PRDM16: variants seen among roughly 807,000 people sequenced by gnomAD.
PRDM16 encodes the protein histone-lysine N-methyltransferase PRDM16.
A neutral mutation model predicts 110.6 loss-of-function variants in PRDM16; 23 were observed. That is an observed-to-expected ratio of 0.21 (90% CI 0.15 to 0.29). The LOEUF (loss-of-function observed/expected upper bound fraction) is 0.29. Among genes scored for constraint, PRDM16 ranks in the 10% least tolerant of loss-of-function variants. PRDM16 has a pLI of 1.00. For synonymous variants in PRDM16, 799 were observed against 781.8 expected (o/e 1.02, Z -0.37); for missense variants, 1,615 against 1,794.3 (o/e 0.90, Z 1.81).
chr1:3,301,997 T>C lies in PRDM16; in HGVS notation c.438+57860T>C, dbSNP rs183836344. On this transcript the variant is annotated intron_variant, in intron 3 of 16. Transcript: ENST00000270722. ...CTTTTGGCTACATGAGAGTGCAGTT[T>C]GTTCTGTTGATATAAGTAGACGGTT... Among the ~76,000 whole-genome samples, 7 of 152,308 alleles carry C rather than the reference T, an allele frequency of 4.6e-5. No individual in the cohort carries two copies. The East Asian group carries it at 1.4e-3, about 29-fold the overall frequency.
At chr1:3,337,573 A>G (rs1376676610) in intron 3 of PRDM16, among the ~76,000 whole-genome samples, 1 of 152,054 alleles carries the variant, frequency 6.6e-6, no homozygotes, top group Non-Finnish European at 1.5e-5. Context: ...TTGGGGTGGG[A>G]GCTGGGGGAG....
At chr1:3,409,914 G>GC (rs1643650196) in intron 8 of PRDM16, among the ~76,000 whole-genome samples, 1 of 127,276 alleles carries the variant, frequency 7.9e-6, no homozygotes, top group South Asian at 2.5e-4. Context: ...TTGTGGGTGT[G>GC]GTGTGTGTGT....
intron 1 of PRDM16, among the ~76,000 whole-genome samples, chr1:3,140,826 C>T (rs1373351919): frequency 2.6e-5 from 4 of 152,242 alleles, no homozygotes; most frequent in South Asian, 2.1e-4. Context: ...CATGGTACGA[C>T]GGATGGGCTT....
rs548267244 is a variant in PRDM16 at position 3,356,317 on chromosome 1, C to T, written c.439-28835C>T. ...TCTCTAAAGGTGACAGTGCCCCTGGCCAGGGCGGCCACTCTGGCCTGATGC... is the reference window on the plus strand; with the variant it reads ...TCTCTAAAGGTGACAGTGCCCCTGGTCAGGGCGGCCACTCTGGCCTGATGC... On this transcript the variant is annotated intron_variant, in intron 3 of 16. Coordinates refer to ENST00000270722, the MANE Select transcript of PRDM16 (RefSeq NM_022114.4). Among the ~76,000 whole-genome samples the T allele has an allele frequency of 4.6e-5, 7 of 152,342 alleles. 1 individual carries two copies. The highest frequency in any genetic ancestry group is 1.4e-4 in the African/African-American group (6 of 41,578).
intron 1 of PRDM16, among the ~76,000 whole-genome samples, chr1:3,107,651 G>T (rs1642688844): frequency 6.6e-6 from 1 of 152,222 alleles, no homozygotes; most frequent in Admixed American, 6.5e-5. Context: ...ATCATGGAAG[G>T]CATCCTGGAT....
At chr1:3,270,543 A>C (rs1198225750) in intron 3 of PRDM16, among the ~76,000 whole-genome samples, 1 of 149,406 alleles carries the variant, frequency 6.7e-6, no homozygotes, top group East Asian at 2.0e-4. Context: ...ACAGTCCTGG[A>C]GGAAGACAGT....
In PRDM16 at chr1:3,425,378, G is replaced by T. The variant is rs1638571771; in HGVS notation, c.2940-203G>T. The T allele has an allele frequency of 1.8e-6, 1 of 555,392 alleles. No individual in the cohort carries two copies. Among genetic ancestry groups the T allele is most frequent in the Non-Finnish European group, 3.2e-6 (1 of 314,198 alleles). The allele number at this position is 555,392 out of a possible 1,614,324, so 34.4% of individuals were successfully genotyped here. ...TAGGCGTGAACCCCTGCTTCTTGAA[G>T]CCGGGGCTGTTTCTAGGGACAGCTT... On this transcript the variant is annotated intron_variant, in intron 12 of 16. Coordinates refer to ENST00000270722, the MANE Select transcript of PRDM16 (RefSeq NM_022114.4). The surrounding 1 kb of genome is among the most constrained non-coding windows in gnomAD (Gnocchi z 6.9).
At chr1:3,372,102 G>A (rs1047685145) in intron 3 of PRDM16, among the ~76,000 whole-genome samples, 2 of 152,228 alleles carry the variant, frequency 1.3e-5, no homozygotes, top group African/African-American at 4.8e-5. Context: ...AGGGTGACCA[G>A]GCCATGAGCC....
intron 1 of PRDM16, among the ~76,000 whole-genome samples, chr1:3,164,431 G>A (rs1043217203): frequency 2.0e-5 from 3 of 152,200 alleles, no homozygotes; most frequent in Non-Finnish European, 4.4e-5. Flanking sequence ...CCCAGGCGGG[G>A]GACCCTGCCA....
At chr1:3,224,553 G>C (rs893461591) in intron 2 of PRDM16, among the ~76,000 whole-genome samples, 18 of 152,118 alleles carry the variant, frequency 1.2e-4, no homozygotes, top group Non-Finnish European at 2.6e-4. Context: ...ACACGCGCTC[G>C]GGGCTTCGGC....
chr1:3,089,309 G>A (rs1054295606), intron 1 of PRDM16, among the ~76,000 whole-genome samples: 1 of 152,232 alleles, frequency 6.6e-6, no homozygotes, highest in Non-Finnish European at 1.5e-5. Flanking sequence ...GCTGAGCCTC[G>A]TTTCTAAGAG....
chr1:3,325,539 C>T (rs1292382178), intron 3 of PRDM16, among the ~76,000 whole-genome samples: 1 of 152,236 alleles, frequency 6.6e-6, no homozygotes, highest in Non-Finnish European at 1.5e-5. Context: ...GGGCGGCTCT[C>T]AGGGACTGTG....
Position 3,402,816 on chromosome 1 carries a change from G to C in PRDM16, c.702G>C (p.Glu234Asp). ...AGGAGCCCACGTTCCGCTGTGACGA[G>C]TGTGACGAACTCTTCCAGTCCAAGC... ...LDEEPTFRCD[E>D]CDELFQSKLD... Residue 234 changes from glutamate to aspartate, a missense_variant, in exon 6 of 17, where the codon GAG becomes GAC. Physicochemically the swap from Glu to Asp is conservative, Grantham distance 45. Around this residue, in one of 5 missense-constraint regions of PRDM16, gnomAD observed 416 missense variants for 467.1 expected, o/e 0.89. Coordinates refer to ENST00000270722, the MANE Select transcript of PRDM16 (RefSeq NM_022114.4). The C allele has an allele frequency of 1.2e-6, 2 of 1,612,598 alleles. No individual in the cohort carries two copies. The highest frequency in any genetic ancestry group is 1.7e-6 in the Non-Finnish European group (2 of 1,179,548).
At chr1:3,249,750 T>C (rs1639882619) in intron 3 of PRDM16, among the ~76,000 whole-genome samples, 1 of 152,220 alleles carries the variant, frequency 6.6e-6, no homozygotes, top group Non-Finnish European at 1.5e-5. Flanking sequence ...GGCTGGACAG[T>C]GGCTGAAAGC....
intron 3 of PRDM16, among the ~76,000 whole-genome samples, chr1:3,334,242 A>C (rs4648475): frequency 0.02 from 3,065 of 152,314 alleles, 48 homozygotes; most frequent in Non-Finnish European, 0.033. Context: ...CAGGCACAGA[A>C]GCTTCCAGAC....
At chr1:3,088,394 AC>A (rs923513765) in intron 1 of PRDM16, among the ~76,000 whole-genome samples, 1 of 151,032 alleles carries the variant, frequency 6.6e-6, no homozygotes, top group Non-Finnish European at 1.5e-5. Context: ...ACCAGTAACA[AC>A]CCCCCCAGCA....
chr1:3,404,652 C>T (rs1274148678), intron 6 of PRDM16, 87 bp from the exon 7 acceptor site: 1 of 1,523,680 alleles, frequency 6.6e-7, no homozygotes, highest in Non-Finnish European at 8.9e-7. Context: ...TCCGAAGGGG[C>T]ACTGGGAACA....
intron 3 of PRDM16, among the ~76,000 whole-genome samples, chr1:3,283,700 A>G (rs1640780963): frequency 6.6e-6 from 1 of 152,176 alleles, no homozygotes; most frequent in African/African-American, 2.4e-5. Context: ...CCAGACCTCA[A>G]GGTCAGAGGA....
intron 3 of PRDM16, among the ~76,000 whole-genome samples, chr1:3,273,635 C>G (rs1311531928): frequency 6.6e-6 from 1 of 150,414 alleles, no homozygotes. Context: ...TGTGTGCATG[C>G]ATGTGTGTGT....
Sources: allele counts gnomAD v4.1 joint callset (sites outside exome capture counted in the v4.1 genomes callset), GRCh38; gene constraint gnomAD v4.1.1; regional missense constraint gnomAD v4.1.1; non-coding constraint Gnocchi (gnomAD v3.1); transcripts MANE v1.5; gene names NCBI Gene and HGNC (gene_info 2026-07-23, HGNC 2026-07-21).